Variants in NT5DC3 observed in about 807,000 individuals in gnomAD.
The protein encoded by NT5DC3 is 5'-nucleotidase domain containing 3, also known as 5'-nucleotidase domain-containing protein 3.
NT5DC3 carries 42 observed loss-of-function variants against 67.8 expected under a neutral mutation model. That is an observed-to-expected ratio of 0.62 (90% confidence interval 0.48 to 0.80). The LOEUF is 0.80. Among genes scored for constraint, NT5DC3 ranks in the 30% least tolerant of loss-of-function variants. The pLI is 0.00. For missense variants in NT5DC3, 570 were observed against 696.4 expected (o/e 0.82, Z 2.04); for synonymous variants, 237 against 255.6 (o/e 0.93, Z 0.69).
chr12:103,778,183 T>C (rs1487256759), intron 13 of NT5DC3, 102 bp from the exon 14 acceptor site: 3 of 944,690 alleles, frequency 3.2e-6, no homozygotes, highest in African/African-American at 1.7e-5. Flanking sequence ...AAAAAAAAAA[T>C]AGGACTCATT....
intron 1 of NT5DC3, among the ~76,000 whole-genome samples, chr12:103,817,230 G>C (rs1458120459): frequency 6.6e-6 from 1 of 152,036 alleles, no homozygotes; most frequent in Non-Finnish European, 1.5e-5. Flanking sequence ...ATCAAAGACT[G>C]AGCAATAGAT....
chr12:103,787,893 T>G (rs1593389450), intron 10 of NT5DC3, among the ~76,000 whole-genome samples: 2 of 152,250 alleles, frequency 1.3e-5, no homozygotes, highest in East Asian at 3.9e-4. Flanking sequence ...TGATAAACAT[T>G]CTCATAGCCA....
intron 10 of NT5DC3, among the ~76,000 whole-genome samples, chr12:103,787,740 T>C (rs1425161040): frequency 6.6e-6 from 1 of 152,250 alleles, no homozygotes; most frequent in Non-Finnish European, 1.5e-5. Flanking sequence ...ACTGTAACTA[T>C]CTTTCCACAC....
Position 103,786,722 on chromosome 12 carries a change from G to A in NT5DC3, c.1188+719C>T, listed in dbSNP as rs539002215. Among the ~76,000 whole-genome samples the A allele has an allele frequency of 1.9e-3, 252 of 134,666 alleles. 3 individuals carry two copies. The highest frequency in any genetic ancestry group is 0.018 in the East Asian group (70 of 4,000). 88.3% of individuals were successfully genotyped at this position (134,666 alleles called of 152,430 possible). ...TTTTGAGGCAGGGTCTCACTCTGTC[G>A]CCTAGGCTAGAGTGCAATGGCATGA... On this transcript the variant is annotated intron_variant, in intron 11 of 13. Transcript: ENST00000392876.
chr12:103,747,534 C>T, the NT5DC3 span, among the ~76,000 whole-genome samples: 5 of 149,932 alleles, frequency 3.3e-5, no homozygotes, highest in Non-Finnish European at 5.9e-5. Context: ...AGGAGGCAAA[C>T]CTCCTTCCCT....
At chr12:103,803,941 GCA>G (rs1886693089) in intron 4 of NT5DC3, among the ~76,000 whole-genome samples, 1 of 151,534 alleles carries the variant, frequency 6.6e-6, no homozygotes, top group South Asian at 2.1e-4. Context: ...GTGGCCAAGA[GCA>G]CAGACTCTGG....
intron 1 of NT5DC3, among the ~76,000 whole-genome samples, chr12:103,835,039 C>T (rs1566133741): frequency 6.6e-6 from 1 of 152,152 alleles, no homozygotes; most frequent in Non-Finnish European, 1.5e-5. Flanking sequence ...TCGCTGCTTG[C>T]CTCCCCTGAG....
At chr12:103,825,316 A>C (rs1887646149) in intron 1 of NT5DC3, among the ~76,000 whole-genome samples, 1 of 152,210 alleles carries the variant, frequency 6.6e-6, no homozygotes, top group Non-Finnish European at 1.5e-5. Flanking sequence ...TGACTACTCC[A>C]CAGAAATCCA....
At chr12:103,788,423 A>G (rs1056363570) in intron 10 of NT5DC3, among the ~76,000 whole-genome samples, 1 of 152,234 alleles carries the variant, frequency 6.6e-6, no homozygotes, top group Non-Finnish European at 1.5e-5. Context: ...TCCAGCCTGG[A>G]CAACAGGGCA....
At chr12:103,747,382 G>A in the NT5DC3 span, among the ~76,000 whole-genome samples, 1 of 152,140 alleles carries the variant, frequency 6.6e-6, no homozygotes, top group Non-Finnish European at 1.5e-5. Flanking sequence ...GGCTAATACA[G>A]TTTCACTCTG....
chr12:103,779,894 G>A (rs1885478085), intron 13 of NT5DC3, among the ~76,000 whole-genome samples: 1 of 152,076 alleles, frequency 6.6e-6, no homozygotes. Flanking sequence ...TAAGCACCAG[G>A]GTCGTAGGAG....
rs1029294991 is a variant in NT5DC3, at chr12:103,813,858, C to T, written c.393+1079G>A. On this transcript the variant is annotated intron_variant, in intron 2 of 13. Transcript: ENST00000392876. ...ACACTAGCCCATTATATGTCTGGTA[C>T]TCGAATGGTTAAATATAAAATAGTA... Among the ~76,000 whole-genome samples the T allele has an allele frequency of 2.0e-5, 3 of 152,186 alleles. No individual in the cohort carries two copies. The East Asian group carries it at 5.8e-4, about 29-fold the overall frequency.
chr12:103,812,120 A>G (rs1456251863), intron 2 of NT5DC3, among the ~76,000 whole-genome samples: 1 of 152,170 alleles, frequency 6.6e-6, no homozygotes, highest in Non-Finnish European at 1.5e-5. Context: ...ATTTTTGTAA[A>G]AATTGCTTAT....
At chr12:103,792,805 C>A (rs867169525) in intron 9 of NT5DC3, among the ~76,000 whole-genome samples, 1 of 152,238 alleles carries the variant, frequency 6.6e-6, no homozygotes. Context: ...AGCTACCCAA[C>A]AGGCAGTTTT....
Position 103,793,177 on chromosome 12 carries a change from TAAA to T in NT5DC3, c.1003_1005del (p.Phe335del). 1 of 1,601,796 alleles carries T rather than the reference TAAA, an allele frequency of 6.2e-7. No homozygotes were observed. The highest frequency in any genetic ancestry group is 8.5e-7 in the Non-Finnish European group (1 of 1,175,448). On this transcript the variant is annotated inframe_deletion, in exon 9 of 14. Coordinates refer to ENST00000392876, the MANE Select transcript of NT5DC3 (RefSeq NM_001031701.3). Reference sequence around the variant, plus strand: ...ATAAACACTCACCTCCGCTTATCATTAAAGAAGTTTGGCTTCTCAGCCTGAACA... The same window carrying T: ...ATAAACACTCACCTCCGCTTATCATTGAAGTTTGGCTTCTCAGCCTGAACA...
At chr12:103,755,676 G>A in the NT5DC3 span, 2 of 1,614,174 alleles carry the variant, frequency 1.2e-6, no homozygotes, top group South Asian at 1.1e-5. Context: ...GGAACCTGCT[G>A]CAGGTCCTGA....
At chr12:103,821,064 T>C (rs912971269) in intron 1 of NT5DC3, among the ~76,000 whole-genome samples, 2 of 152,176 alleles carry the variant, frequency 1.3e-5, no homozygotes, top group East Asian at 1.9e-4. Flanking sequence ...GTGTCACTTC[T>C]AGAGCTGGGC....
intron 1 of NT5DC3, among the ~76,000 whole-genome samples, chr12:103,829,068 G>A (rs931406082): frequency 6.6e-6 from 1 of 152,080 alleles, no homozygotes; most frequent in African/African-American, 2.4e-5. Context: ...GTATTTTTAT[G>A]TGTTTTAAAA....
At chr12:103,830,017 C>G (rs760520368) in intron 1 of NT5DC3, among the ~76,000 whole-genome samples, 3 of 152,188 alleles carry the variant, frequency 2.0e-5, no homozygotes, top group Non-Finnish European at 4.4e-5. Flanking sequence ...CTGTTCAAAA[C>G]TCTATCAGTC....
Sources: gnomAD v4.1 joint callset for allele counts (sites outside exome capture counted in the v4.1 genomes callset) on GRCh38, gnomAD v4.1.1 for gene constraint, MANE v1.5 for transcripts, NCBI Gene and HGNC (gene_info 2026-07-23, HGNC 2026-07-21) for gene names.